ZBTB20: variants seen among roughly 807,000 people sequenced by gnomAD.
The protein encoded by ZBTB20 is zinc finger and BTB domain-containing protein 20.
A neutral mutation model predicts 56.9 loss-of-function variants in ZBTB20; 9 were observed. The observed-to-expected ratio is 0.16, with a 90% CI of 0.10 to 0.28. ZBTB20 has a LOEUF of 0.28. Ranked by LOEUF, ZBTB20 falls within the 10% of genes least tolerant of loss-of-function variation. ZBTB20 has a pLI of 1.00. For synonymous variants in ZBTB20, 417 were observed against 420.7 expected (o/e 0.99, Z 0.11); for missense variants, 655 against 1,003.0 (o/e 0.65, Z 4.69).
chr3:115,076,940 C>CAGTT (rs2082617752), intron 1 of ZBTB20, among the ~76,000 whole-genome samples: 1 of 152,138 alleles, frequency 6.6e-6, no homozygotes, highest in Non-Finnish European at 1.5e-5. Context: ...CTTGCATGCA[C>CAGTT]AGTTCGCAAT....
At position 114,906,997 on chromosome 3, in the gene ZBTB20, G is replaced by C. The variant is rs554812079; in HGVS notation, c.-455-6655C>G. ...AAAATAATTGCTACTATTATAGTTGGAGAAAAATCAACTGAAATGTACATT... is the reference window on the plus strand; with the variant it reads ...AAAATAATTGCTACTATTATAGTTGCAGAAAAATCAACTGAAATGTACATT... On this transcript the variant is annotated intron_variant, in intron 3 of 11. Coordinates refer to ENST00000675478, the MANE Select transcript of ZBTB20 (RefSeq NM_001348800.3). 3.3e-5 allele frequency among the ~76,000 whole-genome samples: 5 copies of C among 151,828 alleles called. No homozygotes were observed. In the South Asian group the frequency reaches 1.0e-3, roughly 32 times the overall value.
At chr3:114,977,202 A>G (rs1327479995) in intron 2 of ZBTB20, among the ~76,000 whole-genome samples, 1 of 152,198 alleles carries the variant, frequency 6.6e-6, no homozygotes, top group Non-Finnish European at 1.5e-5. Flanking sequence ...CTACACAGAT[A>G]TCTGATTCAT....
In ZBTB20 at chr3:114,799,202, T is replaced by A. The variant is rs746451632; in HGVS notation, c.-343+1899A>T. The stretch of plus-strand genomic sequence containing the variant: ...AAATCTATAATATGGCAAGACGAAC[T>A]GAGGTATCAGAGCATCATCTACCCT... On this transcript the variant is annotated intron_variant, in intron 5 of 11. Coordinates refer to ENST00000675478, the MANE Select transcript of ZBTB20 (RefSeq NM_001348800.3). Among the ~76,000 whole-genome samples the A allele has an allele frequency of 2.4e-4, 37 of 151,958 alleles. 1 individual carries two copies. The highest frequency in any genetic ancestry group is 4.6e-4 in the Non-Finnish European group (31 of 67,918).
At chr3:114,673,054 A>G (rs1363382322) in intron 6 of ZBTB20, among the ~76,000 whole-genome samples, 1 of 152,142 alleles carries the variant, frequency 6.6e-6, no homozygotes, top group Non-Finnish European at 1.5e-5. Context: ...GTCAGGATTA[A>G]ATAAAACCAT....
At position 114,319,640 on chromosome 3, in the gene ZBTB20, T is replaced by C. The variant is rs2078820885; in HGVS notation, c.*19365A>G. 6.6e-6 allele frequency: 1 copy of C among 152,160 alleles called. No homozygotes were observed. The highest frequency in any genetic ancestry group is 1.5e-5 in the Non-Finnish European group (1 of 68,024). The allele number at this position is 152,160 out of a possible 1,614,324, so 9.4% of individuals were successfully genotyped here. On this transcript the variant is annotated 3_prime_UTR_variant, in exon 12 of 12. Transcript: ENST00000675478. ...ATTGGATTCAAGAGCTTCTTTAGCATATGCTGATACCAATGAGTCACTGAC... is the reference window on the plus strand; with the variant it reads ...ATTGGATTCAAGAGCTTCTTTAGCACATGCTGATACCAATGAGTCACTGAC...
Position 114,322,462 on chromosome 3 carries a change from G to C in ZBTB20, c.*16543C>G, listed in dbSNP as rs1405886491. 6.6e-6 allele frequency: 1 copy of C among 152,198 alleles called. No individual in the cohort carries two copies. Among genetic ancestry groups the C allele is most frequent in the African/African-American group, 2.4e-5 (1 of 41,456 alleles). 9.4% of individuals were successfully genotyped at this position (152,198 alleles called of 1,614,324 possible). ...CCTGTTGTAGTACTTTTTTCTGGGA[G>C]AGAGGAAATTGCGATCTGAAGATTA... On this transcript the variant is annotated 3_prime_UTR_variant, in exon 12 of 12. Coordinates refer to ENST00000675478, the MANE Select transcript of ZBTB20 (RefSeq NM_001348800.3).
intron 6 of ZBTB20, among the ~76,000 whole-genome samples, chr3:114,573,487 C>T (rs1408911866): frequency 2.2e-5 from 2 of 90,460 alleles, no homozygotes; most frequent in Admixed American, 2.3e-4. Flanking sequence ...GAAAGAAAGA[C>T]AGAAAGAAAG....
chr3:114,734,773 A>C (rs1056080623), intron 5 of ZBTB20, among the ~76,000 whole-genome samples: 20 of 152,188 alleles, frequency 1.3e-4, no homozygotes, highest in Non-Finnish European at 2.9e-5. Context: ...CAATAATTCC[A>C]GTTCAGGGTC....
At chr3:114,535,985 A>C (rs1277880694) in intron 6 of ZBTB20, among the ~76,000 whole-genome samples, 1 of 152,196 alleles carries the variant, frequency 6.6e-6, no homozygotes, top group Non-Finnish European at 1.5e-5. Flanking sequence ...CTAGGTATTG[A>C]TGGAACGTAT....
intron 7 of ZBTB20, among the ~76,000 whole-genome samples, chr3:114,427,431 C>A (rs2089769806): frequency 1.3e-5 from 2 of 152,174 alleles, no homozygotes; most frequent in Non-Finnish European, 2.9e-5. Flanking sequence ...ATCATCAGCA[C>A]AAAAATCATT....
intron 6 of ZBTB20, among the ~76,000 whole-genome samples, chr3:114,686,441 T>C (rs922967457): frequency 1.3e-5 from 2 of 152,202 alleles, no homozygotes; most frequent in African/African-American, 2.4e-5. Flanking sequence ...AATATCCATT[T>C]CTTCAATCCA....
rs190731622 is a variant in ZBTB20, at chr3:115,052,264, C to G, written c.-507+18955G>C. 2.3e-3 allele frequency among the ~76,000 whole-genome samples: 354 copies of G among 152,122 alleles called. 2 individuals are homozygous for G. Among genetic ancestry groups the G allele is most frequent in the African/African-American group, 8.4e-3 (348 of 41,492 alleles). ...ACAAGGTCAGGAGATCCAGACAATC[C>G]TGGACAACATGGTGAAACCCTGTCT... On this transcript the variant is annotated intron_variant, in intron 2 of 11. Transcript: ENST00000675478.
chr3:114,616,553 G>A (rs1273662149), intron 6 of ZBTB20, among the ~76,000 whole-genome samples: 2 of 152,078 alleles, frequency 1.3e-5, no homozygotes, highest in Non-Finnish European at 2.9e-5. Context: ...ATCTCTGCAG[G>A]CTCCTCTTCC....
chr3:114,571,542 G>C (rs1559975943), intron 6 of ZBTB20, among the ~76,000 whole-genome samples: 1 of 152,112 alleles, frequency 6.6e-6, no homozygotes, highest in Non-Finnish European at 1.5e-5. Context: ...GAAAGCTTCT[G>C]TTAACAAAGC....
At chr3:115,082,093 A>G (rs1036272796) in intron 1 of ZBTB20, among the ~76,000 whole-genome samples, 4 of 152,218 alleles carry the variant, frequency 2.6e-5, no homozygotes, top group Admixed American at 2.6e-4. Context: ...CTGCCTTGCA[A>G]ATGAAAAACC....
chr3:114,845,959 G>C (rs2074681474), intron 4 of ZBTB20, among the ~76,000 whole-genome samples: 1 of 152,082 alleles, frequency 6.6e-6, no homozygotes, highest in Admixed American at 6.6e-5. Context: ...CCAGGTATGT[G>C]GGTGCTTAAA....
intron 6 of ZBTB20, among the ~76,000 whole-genome samples, chr3:114,630,840 A>G (rs2058899026): frequency 6.6e-6 from 1 of 152,214 alleles, no homozygotes; most frequent in African/African-American, 2.4e-5. Context: ...GAGGTAATAC[A>G]TTGGTAACTG....
chr3:114,688,431 T>C (rs1056283936), intron 6 of ZBTB20: 1 of 151,780 alleles, frequency 6.6e-6, no homozygotes, highest in African/African-American at 2.4e-5. Context: ...TCAAGTTGTG[T>C]TTGACACCAC....
At chr3:115,040,664 A>T (rs1188899150) in intron 2 of ZBTB20, among the ~76,000 whole-genome samples, 2 of 152,174 alleles carry the variant, frequency 1.3e-5, no homozygotes, top group African/African-American at 2.4e-5. Context: ...GGGTCAATAT[A>T]AGCCATGCTA....
Sources: gnomAD v4.1 joint callset for allele counts (sites outside exome capture counted in the v4.1 genomes callset) on GRCh38, gnomAD v4.1.1 for gene constraint, MANE v1.5 for transcripts, NCBI Gene and HGNC (gene_info 2026-07-23, HGNC 2026-07-21) for gene names.